PRKAG2: variants seen among roughly 807,000 people sequenced by gnomAD.
PRKAG2 encodes 5'-AMP-activated protein kinase subunit gamma-2.
A neutral mutation model predicts 69.6 loss-of-function variants in PRKAG2; 26 were observed. The observed-to-expected ratio is 0.37, with a 90% CI of 0.27 to 0.52. PRKAG2 has a LOEUF of 0.52. Ranked by LOEUF, PRKAG2 falls within the 20% of genes least tolerant of loss-of-function variation. The pLI is 0.90. For synonymous variants in PRKAG2, 293 were observed against 285.0 expected (o/e 1.03, Z -0.28); for missense variants, 557 against 740.0 (o/e 0.75, Z 2.87).
intron 3 of PRKAG2, among the ~76,000 whole-genome samples, chr7:151,728,707 G>A (rs1162770575): frequency 2.0e-5 from 3 of 152,082 alleles, no homozygotes; most frequent in Non-Finnish European, 4.4e-5. Context: ...CTGGGAACCC[G>A]GGCTCTCCAG....
intron 3 of PRKAG2, among the ~76,000 whole-genome samples, chr7:151,776,811 T>A (rs888961592): frequency 4.6e-5 from 7 of 152,138 alleles, no homozygotes; most frequent in African/African-American, 1.7e-4. Flanking sequence ...TATACCCCAG[T>A]GTGTGGATTA....
chr7:151,821,825 C>T (rs1020962088), intron 1 of PRKAG2, among the ~76,000 whole-genome samples: 1 of 152,220 alleles, frequency 6.6e-6, no homozygotes, highest in African/African-American at 2.4e-5. Context: ...GCCTCAGTTT[C>T]CTCATTTGTA....
intron 1 of PRKAG2, among the ~76,000 whole-genome samples, chr7:151,846,209 T>G (rs1234577671): frequency 3.3e-5 from 5 of 152,220 alleles, no homozygotes; most frequent in Non-Finnish European, 7.3e-5. Context: ...GCGCGGTGGT[T>G]CACAGTTGTA....
chr7:151,625,025 A>T (rs1321583899), intron 5 of PRKAG2, among the ~76,000 whole-genome samples: 1 of 152,190 alleles, frequency 6.6e-6, no homozygotes, highest in African/African-American at 2.4e-5. Flanking sequence ...CAGTGGCCTC[A>T]AGACCTGGCA....
chr7:151,662,020 C>G (rs147337670), intron 4 of PRKAG2, among the ~76,000 whole-genome samples: 3 of 152,176 alleles, frequency 2.0e-5, no homozygotes, highest in African/African-American at 4.8e-5. Context: ...TAAATAGGTA[C>G]AGTAATTTTT....
At chr7:151,563,930 T>C (rs539529297) in intron 14 of PRKAG2, 148 bp downstream of exon 14, 9 of 1,043,918 alleles carry the variant, frequency 8.6e-6, no homozygotes, top group Non-Finnish European at 1.3e-5. Flanking sequence ...GTGTGCCAGG[T>C]TCTGGGACAG....
At chr7:151,602,203 C>A (rs1409356126) in intron 5 of PRKAG2, among the ~76,000 whole-genome samples, 1 of 152,244 alleles carries the variant, frequency 6.6e-6, no homozygotes, top group Non-Finnish European at 1.5e-5. Context: ...GTCAAGCATA[C>A]ATTCAGCCAG....
At chr7:151,585,498 C>T (rs1024915825) in intron 6 of PRKAG2, among the ~76,000 whole-genome samples, 2 of 152,128 alleles carry the variant, frequency 1.3e-5, no homozygotes, top group Non-Finnish European at 2.9e-5. Flanking sequence ...TTCCCGAGCA[C>T]GAGCCCATGT....
chr7:151,783,658 C>G (rs368625364), intron 2 of PRKAG2, among the ~76,000 whole-genome samples: 5 of 152,056 alleles, frequency 3.3e-5, no homozygotes, highest in African/African-American at 1.2e-4. Context: ...TGGTGTCTCA[C>G]ACCTGTAATC....
In PRKAG2 at chr7:151,836,184, T is replaced by C. The variant is rs1245559760; in HGVS notation, c.114+40323A>G. Among the ~76,000 whole-genome samples the C allele has an allele frequency of 1.3e-5, 2 of 152,198 alleles. No homozygotes were observed. Among genetic ancestry groups the C allele is most frequent in the African/African-American group, 4.8e-5 (2 of 41,458 alleles). ...GAGCATTCCTTCCCCTATAGCATGA[T>C]TTCTCTTTTATGTTTTGTCTGTCAT... On this transcript the variant is annotated intron_variant, in intron 1 of 15. Coordinates refer to ENST00000287878, the MANE Select transcript of PRKAG2 (RefSeq NM_016203.4). The surrounding 1 kb of genome is among the most constrained non-coding windows in gnomAD (Gnocchi z 4.1).
intron 14 of PRKAG2, among the ~76,000 whole-genome samples, chr7:151,563,108 T>C (rs1805451069): frequency 6.6e-6 from 1 of 152,232 alleles, no homozygotes; most frequent in African/African-American, 2.4e-5. Context: ...GTCAAACTTA[T>C]GTATGTCCTT....
At position 151,723,676 on chromosome 7, in the gene PRKAG2, G is replaced by A. The variant is rs1026084598; in HGVS notation, c.467-48039C>T. Among the ~76,000 whole-genome samples, 6 of 152,194 alleles carry A rather than the reference G, an allele frequency of 3.9e-5. No individual in the cohort carries two copies. The East Asian group carries it at 1.2e-3, about 29-fold the overall frequency. Reference sequence around the variant, plus strand: ...CTGGTCAGTGGCAGTAGGTCCCCCTGTGATTTCCAACCTACAGGGAGCTCT... The same window carrying A: ...CTGGTCAGTGGCAGTAGGTCCCCCTATGATTTCCAACCTACAGGGAGCTCT... On this transcript the variant is annotated intron_variant, in intron 3 of 15. Transcript: ENST00000287878.
intron 3 of PRKAG2, among the ~76,000 whole-genome samples, chr7:151,712,378 C>G (rs116225253): frequency 0.013 from 2,000 of 152,266 alleles, 54 homozygotes; most frequent in African/African-American, 0.046. Flanking sequence ...AGACTGGGTC[C>G]CTCTCCTCCA....
At chr7:151,860,232 G>A (rs2079885127) in intron 1 of PRKAG2, among the ~76,000 whole-genome samples, 7 of 152,222 alleles carry the variant, frequency 4.6e-5, no homozygotes, top group Admixed American at 4.6e-4. Context: ...GCTGGAGGCA[G>A]GGCAGAAAGG....
chr7:151,657,993 A>G (rs1038536015), intron 4 of PRKAG2, among the ~76,000 whole-genome samples: 1 of 151,118 alleles, frequency 6.6e-6, no homozygotes, highest in Non-Finnish European at 1.5e-5. Context: ...CCCCATCTCT[A>G]CTAAAAATAC....
chr7:151,671,968 T>A (rs1832105445), intron 4 of PRKAG2, among the ~76,000 whole-genome samples: 1 of 152,218 alleles, frequency 6.6e-6, no homozygotes. Context: ...CTTGACCAGA[T>A]CATTCCTCTT....
At chr7:151,682,263 C>A (rs1200722115) in intron 3 of PRKAG2, among the ~76,000 whole-genome samples, 1 of 152,068 alleles carries the variant, frequency 6.6e-6, no homozygotes, top group Non-Finnish European at 1.5e-5. Flanking sequence ...TTTTTTGAGA[C>A]AAGGTCTCAC....
At chr7:151,688,084 G>T (rs1266032458) in intron 3 of PRKAG2, among the ~76,000 whole-genome samples, 3 of 147,678 alleles carry the variant, frequency 2.0e-5, no homozygotes, top group Non-Finnish European at 4.5e-5. Flanking sequence ...GGTGACTACT[G>T]TCATTTCCTA....
At chr7:151,852,398 G>A (rs1018302884) in intron 1 of PRKAG2, among the ~76,000 whole-genome samples, 4 of 152,178 alleles carry the variant, frequency 2.6e-5, no homozygotes, top group Admixed American at 2.0e-4. Context: ...GGGAGGCTGA[G>A]GCAGGAGAAT....
Sources: allele counts gnomAD v4.1 joint callset (sites outside exome capture counted in the v4.1 genomes callset), GRCh38; gene constraint gnomAD v4.1.1; non-coding constraint Gnocchi (gnomAD v3.1); transcripts MANE v1.5; gene names NCBI Gene and HGNC (gene_info 2026-07-23, HGNC 2026-07-21).